The following STK33 variants were observed in gnomAD, a reference collection of about 807,000 sequenced individuals.
STK33 encodes the protein serine/threonine kinase 33.
STK33 carries 52 observed loss-of-function variants against 58.0 expected under a neutral mutation model. That is an observed-to-expected ratio of 0.90 (90% CI 0.72 to 1.13). STK33 has a LOEUF of 1.13. Among genes scored for constraint, STK33 ranks in the 50% most tolerant of loss-of-function variants. The pLI, the probability that STK33 is intolerant of heterozygous loss-of-function variation, is 0.00. For missense variants in STK33, 630 were observed against 604.2 expected, an observed-to-expected ratio of 1.04 and a Z score of -0.45; for synonymous variants, 215 against 200.1, an observed-to-expected ratio of 1.07 and a Z score of -0.63.
chr11:8,364,630 T>C, the STK33 span, among the ~76,000 whole-genome samples: 3 of 152,234 alleles, frequency 2.0e-5, no homozygotes, highest in African/African-American at 4.8e-5. Context: ...AACCACCTTG[T>C]TGAGAGACTG....
intron 1 of STK33, among the ~76,000 whole-genome samples, chr11:8,586,822 T>TTA (rs1491420466): frequency 1.3e-5 from 1 of 78,220 alleles, no homozygotes. Context: ...AGACTCTGTC[T>TTA]AAAAAAAAAA....
chr11:8,573,916 G>A (rs1008563459), intron 1 of STK33, among the ~76,000 whole-genome samples: 2 of 152,204 alleles, frequency 1.3e-5, no homozygotes, highest in Non-Finnish European at 2.9e-5. Context: ...ATAGGAGAGG[G>A]GTAGGTATGA....
chr11:8,375,854 T>C, the STK33 span, among the ~76,000 whole-genome samples: 4 of 152,146 alleles, frequency 2.6e-5, no homozygotes, highest in Admixed American at 2.6e-4. Flanking sequence ...GAACTGTGAG[T>C]CAATTAAGCC....
chr11:8,502,984 T>C (rs926594032), intron 1 of STK33, among the ~76,000 whole-genome samples: 2 of 152,144 alleles, frequency 1.3e-5, no homozygotes, highest in African/African-American at 2.4e-5. Flanking sequence ...TAACAGATAG[T>C]GGTGAGGTTG....
intron 1 of STK33, among the ~76,000 whole-genome samples, chr11:8,517,233 G>A (rs1009595656): frequency 3.9e-5 from 6 of 152,162 alleles, no homozygotes; most frequent in African/African-American, 4.8e-5. Context: ...TCTAGAGTAC[G>A]CCTCCAGCAA....
At chr11:8,335,439 T>C in the STK33 span, among the ~76,000 whole-genome samples, 1 of 152,202 alleles carries the variant, frequency 6.6e-6, no homozygotes, top group Non-Finnish European at 1.5e-5. Context: ...CTGGTACTAG[T>C]GAAGGCTGAC....
chr11:8,500,061 A>G (rs1186863387), intron 1 of STK33, among the ~76,000 whole-genome samples: 1 of 152,122 alleles, frequency 6.6e-6, no homozygotes, highest in Non-Finnish European at 1.5e-5. Flanking sequence ...CCAGAACTTA[A>G]AATATAATTT....
intron 1 of STK33, among the ~76,000 whole-genome samples, chr11:8,586,261 A>T (rs192903550): frequency 2.6e-5 from 4 of 151,112 alleles, no homozygotes; most frequent in Admixed American, 2.6e-4. Flanking sequence ...ATCCCAACCC[A>T]ACCTGGCATA....
At chr11:8,365,534 G>A in the STK33 span, among the ~76,000 whole-genome samples, 176 of 152,296 alleles carry the variant, frequency 1.2e-3, no homozygotes, top group African/African-American at 4.1e-3. Flanking sequence ...GGGCTTCCAG[G>A]GGGCTGCTGG....
Position 8,557,542 on chromosome 11 carries a change from G to A in STK33, c.-466+36541C>T, listed in dbSNP as rs570489631. 5.9e-5 allele frequency among the ~76,000 whole-genome samples: 9 copies of A among 152,110 alleles called. No individual in the cohort carries two copies. In the South Asian group the frequency reaches 1.9e-3, roughly 32 times the overall value. On this transcript the variant is annotated intron_variant, in intron 1 of 15. Transcript: ENST00000687296. ...CATTCCTATCTCTCATATTTTTACAGAAATAATTCCTAGTGCAACTACTAA... is the reference window on the plus strand; with the variant it reads ...CATTCCTATCTCTCATATTTTTACAAAAATAATTCCTAGTGCAACTACTAA...
chr11:8,378,814 C>CA, the STK33 span, among the ~76,000 whole-genome samples: 1 of 151,926 alleles, frequency 6.6e-6, no homozygotes, highest in African/African-American at 2.4e-5. Context: ...CACATGGAAC[C>CA]AAAAAAGTCC....
Position 8,461,801 on chromosome 11 carries a change from T to C in STK33, c.558+4A>G. ...TCAAAATGCAGCGCCTAATAGAGGT[T>C]TACCTTTGGCGTTTCAAATACTTGT... On this transcript the variant is annotated splice_donor_region_variant and intron_variant, in intron 8 of 15. Transcript: ENST00000687296. 1 of 1,571,370 alleles carries C rather than the reference T, an allele frequency of 6.4e-7. No homozygotes were observed. Among genetic ancestry groups the C allele is most frequent in the Non-Finnish European group, 8.6e-7 (1 of 1,162,794 alleles).
chr11:8,539,052 T>C (rs1261015674), intron 1 of STK33, among the ~76,000 whole-genome samples: 1 of 152,138 alleles, frequency 6.6e-6, no homozygotes, highest in African/African-American at 2.4e-5. Flanking sequence ...AATCTCTTTG[T>C]CCCTTGATAT....
At chr11:8,536,324 T>C (rs1265924277) in intron 1 of STK33, among the ~76,000 whole-genome samples, 2 of 152,184 alleles carry the variant, frequency 1.3e-5, no homozygotes, top group South Asian at 4.1e-4. Flanking sequence ...TTTGTACAAA[T>C]TTTTTAAAAG....
At chr11:8,341,317 C>T in the STK33 span, among the ~76,000 whole-genome samples, 1 of 152,204 alleles carries the variant, frequency 6.6e-6, no homozygotes, top group East Asian at 1.9e-4. Context: ...AGCAGGGAGG[C>T]TGCCTCCGTT....
chr11:8,457,863 T>G (rs1947064904), intron 8 of STK33, among the ~76,000 whole-genome samples: 1 of 152,202 alleles, frequency 6.6e-6, no homozygotes, highest in Non-Finnish European at 1.5e-5. Context: ...GAGCACATGG[T>G]ATTTACAAAG....
intron 1 of STK33, among the ~76,000 whole-genome samples, chr11:8,504,933 C>T (rs1193573659): frequency 6.6e-6 from 1 of 152,172 alleles, no homozygotes; most frequent in Non-Finnish European, 1.5e-5. Flanking sequence ...TTCTTTGTGC[C>T]TACTGCATTT....
chr11:8,424,096 T>A (rs1381479056), intron 14 of STK33, among the ~76,000 whole-genome samples: 1 of 151,734 alleles, frequency 6.6e-6, no homozygotes, highest in African/African-American at 2.4e-5. Context: ...CATTAACTCA[T>A]CATTTAACAT....
intron 1 of STK33, among the ~76,000 whole-genome samples, chr11:8,577,017 T>C (rs1958234165): frequency 6.6e-6 from 1 of 152,196 alleles, no homozygotes; most frequent in Non-Finnish European, 1.5e-5. Context: ...CCCAACGTGC[T>C]GGGACTACAG....
Sources: allele counts gnomAD v4.1 joint callset (sites outside exome capture counted in the v4.1 genomes callset), GRCh38; gene constraint gnomAD v4.1.1; transcripts MANE v1.5; gene names NCBI Gene and HGNC (gene_info 2026-07-23, HGNC 2026-07-21).